Variants in NCAPH observed in about 807,000 individuals in gnomAD.
NCAPH encodes condensin complex subunit 2.
In NCAPH, 38 loss-of-function variants were observed where a neutral mutation model predicts 85.5. The ratio of observed to expected loss-of-function variants is 0.44; its 90% CI spans 0.34 to 0.58. The LOEUF is 0.58. Among genes scored for constraint, NCAPH ranks in the 20% least tolerant of loss-of-function variants. The probability of loss-of-function intolerance (pLI) is 0.01; values close to 1 mark genes in which losing one functional copy is unlikely to be tolerated. For synonymous variants in NCAPH, 301 were observed against 335.1 expected (o/e 0.90, Z 1.11); for missense variants, 789 against 916.6 (o/e 0.86, Z 1.80).
intron 6 of NCAPH, among the ~76,000 whole-genome samples, chr2:96,349,146 G>A (rs1234255352): frequency 6.6e-6 from 1 of 152,192 alleles, no homozygotes; most frequent in Non-Finnish European, 1.5e-5. Context: ...GAAAAGGAGA[G>A]AGCAGCAAGT....
chr2:96,335,931 T>C (rs978328483), intron 1 of NCAPH, 83 bp downstream of exon 1: 12 of 1,235,864 alleles, frequency 9.7e-6, no homozygotes, highest in Non-Finnish European at 1.1e-5. Flanking sequence ...CGGGCTGGCC[T>C]GGGCGGGGAG....
Position 96,366,007 on chromosome 2 carries a change from A to G in NCAPH, c.1830A>G (p.Gly610=). ...QQNGDTPEAQ[G]LDITTYGESN... is the part of the protein sequence containing the mutation. ...ATGGTGACACTCCAGAAGCCCAAGG[A>G]TTAGACATCACAACATATGGGGAGT... is the stretch of plus-strand genomic sequence containing the variant. Residue 610 remains glycine, a synonymous_variant, in exon 14 of 18, where the codon GGA becomes GGG. Transcript: ENST00000240423. 6.2e-7 allele frequency: 1 copy of G among 1,614,220 alleles called. No individual in the cohort carries two copies. Among genetic ancestry groups the G allele is most frequent in the African/African-American group, 1.3e-5 (1 of 75,054 alleles).
At chr2:96,361,375 T>G (rs1363397503) in intron 12 of NCAPH, among the ~76,000 whole-genome samples, 1 of 152,032 alleles carries the variant, frequency 6.6e-6, no homozygotes, top group Non-Finnish European at 1.5e-5. Context: ...TCATTGAAGT[T>G]GTGGATTTAC....
At chr2:96,368,149 C>T (rs1195957201) in intron 15 of NCAPH, among the ~76,000 whole-genome samples, 1 of 152,162 alleles carries the variant, frequency 6.6e-6, no homozygotes, top group Non-Finnish European at 1.5e-5. Context: ...TGAGTTTAGA[C>T]CTTCTGTAGC....
intron 14 of NCAPH, 86 bp from the exon 15 acceptor site, chr2:96,367,171 G>A: frequency 1.1e-6 from 1 of 885,966 alleles, no homozygotes; most frequent in Non-Finnish European, 1.8e-6. Flanking sequence ...TTCTTTAGTT[G>A]AACTCCAGAC....
intron 5 of NCAPH, among the ~76,000 whole-genome samples, chr2:96,343,650 T>C (rs1281399562): frequency 1.3e-5 from 2 of 152,022 alleles, no homozygotes; most frequent in African/African-American, 4.8e-5. Flanking sequence ...AGATTAAATA[T>C]GCCTGATGTT....
intron 9 of NCAPH, among the ~76,000 whole-genome samples, chr2:96,357,831 C>T (rs899586694): frequency 6.6e-6 from 1 of 152,026 alleles, no homozygotes; most frequent in Non-Finnish European, 1.5e-5. Flanking sequence ...CTTATATAAA[C>T]GGGAACTATA....
intron 11 of NCAPH, 94 bp downstream of exon 11, chr2:96,360,343 A>G (rs1558799274): frequency 5.8e-6 from 5 of 858,366 alleles, no homozygotes; most frequent in Non-Finnish European, 9.1e-6. Context: ...GTTAGAGCAA[A>G]CAGATGGTTT....
In NCAPH at chr2:96,376,837, GAA is replaced by G. The variant is rs902139739; in HGVS notation, c.*3494_*3495del. ...TGGGGATCATTTATGGGTACCAAAA[GAA>G]AAAAAAATGAATAAGATCTACTATT... On this transcript the variant is annotated 3_prime_UTR_variant, in exon 18 of 18. Transcript: ENST00000240423. Among the ~76,000 whole-genome samples the G allele has an allele frequency of 4.7e-5, 7 of 149,666 alleles. No individual in the cohort carries two copies. The highest frequency in any genetic ancestry group is 1.7e-4 in the African/African-American group (7 of 40,730).
chr2:96,373,475 C>A lies in NCAPH; in HGVS notation c.*124C>A. 1.1e-6 allele frequency: 1 copy of A among 884,478 alleles called. No homozygotes were observed. Among genetic ancestry groups the A allele is most frequent in the South Asian group, 1.5e-5 (1 of 65,734 alleles). The allele number at this position is 884,478 out of a possible 1,614,324, so 54.8% of individuals were successfully genotyped here. ...AGGCTGTAGCCAACTACCAACGTGC[C>A]TGTTTGTTTGTTGCTCTTTCCTTCT... is the stretch of plus-strand genomic sequence containing the variant. On this transcript the variant is annotated 3_prime_UTR_variant, in exon 18 of 18. Transcript: ENST00000240423.
In NCAPH at chr2:96,366,074, C is replaced by G. The variant is rs761503709; in HGVS notation, c.1881+16C>G. On this transcript the variant is annotated intron_variant, in intron 14 of 17. Transcript: ENST00000240423. ...GCCTCAGAAGGTACGGATGAAACAGCTGAGAATTACATTGTTTGCCTGAAA... is the reference window on the plus strand; with the variant it reads ...GCCTCAGAAGGTACGGATGAAACAGGTGAGAATTACATTGTTTGCCTGAAA... The G allele has an allele frequency of 2.5e-6, 4 of 1,612,222 alleles. No individual in the cohort carries two copies. The highest frequency in any genetic ancestry group is 4.5e-5 in the East Asian group (2 of 44,862).
At chr2:96,351,577 A>G (rs188647510) in intron 6 of NCAPH, among the ~76,000 whole-genome samples, 1 of 152,024 alleles carries the variant, frequency 6.6e-6, no homozygotes, top group African/African-American at 2.4e-5. Context: ...CTGAGGCCCA[A>G]GAATCGCTTG....
intron 1 of NCAPH, among the ~76,000 whole-genome samples, chr2:96,336,299 G>A (rs1188718236): frequency 6.6e-6 from 1 of 152,214 alleles, no homozygotes; most frequent in Non-Finnish European, 1.5e-5. Flanking sequence ...CTCTCCCGTT[G>A]GGCGAACAAA....
At chr2:96,350,277 A>T (rs1558793537) in intron 6 of NCAPH, among the ~76,000 whole-genome samples, 1 of 152,232 alleles carries the variant, frequency 6.6e-6, no homozygotes. Context: ...CACACATGAT[A>T]TAATTCTAGA....
intron 6 of NCAPH, among the ~76,000 whole-genome samples, chr2:96,345,315 G>T (rs1436734214): frequency 6.6e-6 from 1 of 152,202 alleles, no homozygotes; most frequent in Non-Finnish European, 1.5e-5. Context: ...GCTGGTGCTA[G>T]TGTCCCTGAG....
At position 96,375,253 on chromosome 2, in the gene NCAPH, T is replaced by C. The variant is rs1193583897; in HGVS notation, c.*1902T>C. ...GCGAGTTCAATACCAACTTCTACAA[T>C]GAAATCCCCTTCCCCCCACAACCCT... On this transcript the variant is annotated 3_prime_UTR_variant, in exon 18 of 18. Transcript: ENST00000240423. Among the ~76,000 whole-genome samples the C allele has an allele frequency of 6.6e-6, 1 of 151,956 alleles. No homozygotes were observed. Among genetic ancestry groups the C allele is most frequent in the Non-Finnish European group, 1.5e-5 (1 of 67,982 alleles).
At chr2:96,360,918 C>A (rs574070844) in intron 12 of NCAPH, among the ~76,000 whole-genome samples, 2 of 152,184 alleles carry the variant, frequency 1.3e-5, no homozygotes, top group Non-Finnish European at 2.9e-5. Context: ...TTGGAAATAC[C>A]TTACCTGGCA....
chr2:96,369,655 A>G (rs1013378286), intron 17 of NCAPH, 155 bp downstream of exon 17: 2 of 266,834 alleles, frequency 7.5e-6, no homozygotes, highest in Non-Finnish European at 1.2e-5. Flanking sequence ...CCAGGCATCT[A>G]GAAGTAACTT....
At chr2:96,364,234 G>C (rs1380249491) in intron 12 of NCAPH, among the ~76,000 whole-genome samples, 3 of 152,166 alleles carry the variant, frequency 2.0e-5, no homozygotes, top group Non-Finnish European at 2.9e-5. Context: ...AGGCCTAATT[G>C]CCAGTCACAC....
Sources: gnomAD v4.1 joint callset for allele counts (sites outside exome capture counted in the v4.1 genomes callset) on GRCh38, gnomAD v4.1.1 for gene constraint, MANE v1.5 for transcripts, NCBI Gene and HGNC (gene_info 2026-07-23, HGNC 2026-07-21) for gene names.